The following ASXL2 variants were observed in gnomAD, a reference collection of about 807,000 sequenced individuals.
The protein encoded by ASXL2 is putative Polycomb group protein ASXL2.
In ASXL2, 23 loss-of-function variants were observed where a neutral mutation model predicts 122.0. The observed-to-expected ratio is 0.19, with a 90% CI of 0.14 to 0.27. The LOEUF is 0.27. ASXL2 is among the 10% of genes least tolerant of loss of function. The probability of loss-of-function intolerance (pLI) is 1.00; values close to 1 mark genes in which losing one functional copy is unlikely to be tolerated. For synonymous variants in ASXL2, 650 were observed against 637.0 expected (o/e 1.02, Z -0.31); for missense variants, 1,518 against 1,713.8 (o/e 0.89, Z 2.02).
rs376353446 is a variant in ASXL2, at chr2:25,759,478, G to A, written c.939+4C>T. 94 of 1,612,434 alleles carry A rather than the reference G, an allele frequency of 5.8e-5. No individual in the cohort carries two copies. The highest frequency in any genetic ancestry group is 7.5e-5 in the Non-Finnish European group (89 of 1,178,918). ...TTAAAATCTTAAGGAGTTCAATGAC[G>A]CACCTGTCGATCTACCTCTGGGAGT... On this transcript the variant is annotated splice_donor_region_variant and intron_variant, in intron 9 of 12. Transcript: ENST00000435504.
chr2:25,814,095 A>G (rs144482203), intron 3 of ASXL2, among the ~76,000 whole-genome samples: 2 of 152,316 alleles, frequency 1.3e-5, no homozygotes, highest in African/African-American at 4.8e-5. Flanking sequence ...AACTGCCATA[A>G]TATTTTCCTT....
At chr2:25,776,442 A>G (rs2088547538) in intron 5 of ASXL2, among the ~76,000 whole-genome samples, 1 of 152,156 alleles carries the variant, frequency 6.6e-6, no homozygotes, top group Admixed American at 6.6e-5. Flanking sequence ...CTTTCTGGCT[A>G]TTATGAACAA....
intron 9 of ASXL2, among the ~76,000 whole-genome samples, chr2:25,757,491 GAAAGAA>G (rs1303532324): frequency 7.1e-6 from 1 of 140,394 alleles, no homozygotes; most frequent in African/African-American, 2.6e-5. Context: ...AAAAAAAAAA[GAAAGAA>G]AAAGAAAACA....
intron 12 of ASXL2, among the ~76,000 whole-genome samples, chr2:25,747,433 G>A (rs902217182): frequency 2.0e-5 from 3 of 152,184 alleles, no homozygotes; most frequent in South Asian, 2.1e-4. Flanking sequence ...CAGTATTTGA[G>A]ATAGGGTCTA....
At chr2:25,832,453 G>A (rs542489768) in intron 3 of ASXL2, among the ~76,000 whole-genome samples, 1 of 152,132 alleles carries the variant, frequency 6.6e-6, no homozygotes, top group South Asian at 2.1e-4. Flanking sequence ...ACAGAGGAAT[G>A]AGAAATAGAG....
At chr2:25,765,937 TA>T (rs1247697830) in intron 8 of ASXL2, among the ~76,000 whole-genome samples, 1 of 152,234 alleles carries the variant, frequency 6.6e-6, no homozygotes, top group African/African-American at 2.4e-5. Flanking sequence ...ATATGTGATA[TA>T]CTACATTAAG....
At chr2:25,865,377 A>G (rs981934762) in intron 1 of ASXL2, among the ~76,000 whole-genome samples, 1 of 151,904 alleles carries the variant, frequency 6.6e-6, no homozygotes, top group African/African-American at 2.4e-5. Flanking sequence ...GATTGCAGTG[A>G]GCTGAGATCA....
At chr2:25,789,071 T>C (rs1042064495) in intron 5 of ASXL2, among the ~76,000 whole-genome samples, 7 of 152,188 alleles carry the variant, frequency 4.6e-5, no homozygotes, top group African/African-American at 4.8e-5. Context: ...AGTTTCCACA[T>C]GTCCCCTCTC....
At chr2:25,794,051 T>TA (rs1229603338) in intron 5 of ASXL2, among the ~76,000 whole-genome samples, 1 of 152,214 alleles carries the variant, frequency 6.6e-6, no homozygotes, top group African/African-American at 2.4e-5. Context: ...AGTATACTTT[T>TA]AAAAGGAGAC....
chr2:25,836,579 T>A (rs2089514390), intron 2 of ASXL2, among the ~76,000 whole-genome samples: 1 of 152,192 alleles, frequency 6.6e-6, no homozygotes, highest in Non-Finnish European at 1.5e-5. Flanking sequence ...ATTTTCTTCA[T>A]AAACAAATTA....
rs1028904650 is a variant in ASXL2 at position 25,819,365 on chromosome 2, G to C, written c.144-13028C>G. 2.3e-4 allele frequency among the ~76,000 whole-genome samples: 35 copies of C among 152,286 alleles called. 1 individual carries two copies. In the Middle Eastern group the frequency reaches 0.01, roughly 44 times the overall value. Reference sequence around the variant, plus strand: ...TACAATGAGAAACAAGATGTTTACAGAGTCTCAGAGTATCTTCACCCCAAA... The same window carrying C: ...TACAATGAGAAACAAGATGTTTACACAGTCTCAGAGTATCTTCACCCCAAA... On this transcript the variant is annotated intron_variant, in intron 3 of 12. Coordinates refer to ENST00000435504, the MANE Select transcript of ASXL2 (RefSeq NM_018263.6).
At chr2:25,844,993 T>C (rs2089633192) in intron 2 of ASXL2, among the ~76,000 whole-genome samples, 1 of 152,230 alleles carries the variant, frequency 6.6e-6, no homozygotes, top group Non-Finnish European at 1.5e-5. Flanking sequence ...TCTTTGATCC[T>C]GTACTAATGG....
chr2:25,822,512 T>A (rs571969149), intron 3 of ASXL2: 2 of 494,336 alleles, frequency 4.0e-6, no homozygotes, highest in African/African-American at 2.0e-5. Context: ...AGGGACTATG[T>A]CTTCACTGAA....
At chr2:25,873,470 A>G (rs926654939) in intron 1 of ASXL2, among the ~76,000 whole-genome samples, 2 of 152,090 alleles carry the variant, frequency 1.3e-5, no homozygotes, top group African/African-American at 4.8e-5. Flanking sequence ...GCCTATCTTT[A>G]ATAGAAATTT....
rs774283343 is a variant in ASXL2, at chr2:25,734,003, G to A, written c.*8026C>T. On this transcript the variant is annotated 3_prime_UTR_variant, in exon 13 of 13. Transcript: ENST00000435504. ...TACATACGGTAATTTCTTCCATTCC[G>A]ACTTCTCTTAGTGCTGGTGAAGGGT... 1 of 151,412 alleles carries A rather than the reference G, an allele frequency of 6.6e-6. No homozygotes were observed. Among genetic ancestry groups the A allele is most frequent in the South Asian group, 2.1e-4 (1 of 4,802 alleles). 9.4% of individuals were successfully genotyped at this position (151,412 alleles called of 1,614,324 possible). A position where few individuals can be genotyped will look rare whatever the true frequency, so the allele number is the denominator to read the frequency against.
At position 25,756,078 on chromosome 2, in the gene ASXL2, C is replaced by A. The variant is rs751570425; in HGVS notation, c.976G>T (p.Ala326Ser). The A allele has an allele frequency of 8.1e-6, 13 of 1,610,618 alleles. No homozygotes were observed. The highest frequency in any genetic ancestry group is 1.3e-5 in the African/African-American group (1 of 74,652). The change falls in exon 10 of 13, where the codon GCC (alanine) becomes TCC (serine). Residue 326 changes from alanine to serine, a missense_variant. By Grantham distance (99) the Ala-to-Ser change is moderately conservative. Coordinates refer to ENST00000435504, the MANE Select transcript of ASXL2 (RefSeq NM_018263.6). ...GAAGTGAAGAATTCATTGTTAAGGG[C>A]TGAGCCATTTAACTTCATTAAACCA... ...PDGLMKLNGS[A>S]LNNEFFTSAA...
chr2:25,844,626 A>G (rs1435029985), intron 2 of ASXL2, among the ~76,000 whole-genome samples: 1 of 151,276 alleles, frequency 6.6e-6, no homozygotes, highest in Admixed American at 6.6e-5. Flanking sequence ...ACACACACAC[A>G]TTGACTATTA....
At chr2:25,863,721 A>C (rs2089865162) in intron 1 of ASXL2, among the ~76,000 whole-genome samples, 1 of 151,528 alleles carries the variant, frequency 6.6e-6, no homozygotes, top group Non-Finnish European at 1.5e-5. Flanking sequence ...AAACAAAAAA[A>C]CAGGTCGGGT....
chr2:25,849,342 G>A (rs2089690285), intron 1 of ASXL2, among the ~76,000 whole-genome samples: 1 of 149,240 alleles, frequency 6.7e-6, no homozygotes, highest in Admixed American at 6.8e-5. Flanking sequence ...AGTTACTCAG[G>A]AGGCTGGTTC....
Sources: allele counts gnomAD v4.1 joint callset (sites outside exome capture counted in the v4.1 genomes callset), GRCh38; gene constraint gnomAD v4.1.1; transcripts MANE v1.5; gene names NCBI Gene and HGNC (gene_info 2026-07-23, HGNC 2026-07-21).